The following HADHA variants were observed in gnomAD, a reference collection of about 807,000 sequenced individuals.
The protein encoded by HADHA is hydroxyacyl-CoA dehydrogenase trifunctional multienzyme complex subunit alpha, also known as trifunctional enzyme subunit alpha, mitochondrial.
In HADHA, 59 loss-of-function variants were observed where a neutral mutation model predicts 91.3. The ratio of observed to expected loss-of-function variants is 0.65; its 90% CI spans 0.52 to 0.80. The LOEUF (loss-of-function observed/expected upper bound fraction) is 0.80. HADHA is among the 30% of genes least tolerant of loss of function. HADHA has a pLI of 0.00. For synonymous variants in HADHA, 320 were observed against 338.9 expected, an observed-to-expected ratio of 0.94 and a Z score of 0.61; for missense variants, 800 against 927.6, an observed-to-expected ratio of 0.86 and a Z score of 1.79.
chr2:26,204,930 A>G (rs779149545), intron 11 of HADHA, among the ~76,000 whole-genome samples: 2 of 152,128 alleles, frequency 1.3e-5, no homozygotes, highest in Non-Finnish European at 2.9e-5. Flanking sequence ...CCTCGTCTGG[A>G]TGAATTCAAA....
chr2:26,242,007 T>C (rs982880431), intron 1 of HADHA, among the ~76,000 whole-genome samples: 1 of 151,942 alleles, frequency 6.6e-6, no homozygotes, highest in African/African-American at 2.4e-5. Context: ...GTTCAAGCGA[T>C]TCTCCCACCT....
At chr2:26,213,829 C>G (rs762992970) in intron 9 of HADHA, among the ~76,000 whole-genome samples, 11 of 152,210 alleles carry the variant, frequency 7.2e-5, no homozygotes, top group Non-Finnish European at 1.2e-4. Context: ...TTGGTGCCTT[C>G]TACTCAAGAT....
chr2:26,223,544 A>G (rs1043956411), intron 7 of HADHA, among the ~76,000 whole-genome samples: 5 of 152,208 alleles, frequency 3.3e-5, no homozygotes, highest in African/African-American at 7.2e-5. Context: ...AACCTGGTAC[A>G]CAGCCAGTGC....
At chr2:26,219,640 T>G (rs575051884) in intron 7 of HADHA, among the ~76,000 whole-genome samples, 1 of 152,182 alleles carries the variant, frequency 6.6e-6, no homozygotes, top group Admixed American at 6.5e-5. Context: ...GATCCCTAAA[T>G]GCAATGGGGA....
chr2:26,191,346 C>T lies in HADHA; in HGVS notation c.2196G>A (p.Arg732=). Residue 732 remains arginine, a synonymous_variant, in exon 20 of 20, where the codon CGG becomes CGA. Transcript: ENST00000380649. ...CATAGGCAGCTTCATATTTCTTGAG[C>T]CGGTCCACTATCTTCTGGGCGCCAT... ...DLYGAQKIVD[R]LKKYEAAYGK... is the part of the protein sequence containing the mutation. The T allele has an allele frequency of 1.2e-6, 2 of 1,614,150 alleles. No homozygotes were observed. The highest frequency in any genetic ancestry group is 1.7e-6 in the Non-Finnish European group (2 of 1,180,034).
Position 26,214,589 on chromosome 2 carries a change from T to C in HADHA, c.800-28A>G, listed in dbSNP as rs1178686109. 4.4e-6 allele frequency: 5 copies of C among 1,148,438 alleles called. 1 individual carries two copies. The highest frequency in any genetic ancestry group is 6.6e-6 in the Non-Finnish European group (5 of 755,086). 71.1% of individuals were successfully genotyped at this position (1,148,438 alleles called of 1,614,324 possible). On this transcript the variant is annotated intron_variant, in intron 8 of 19. Transcript: ENST00000380649. The surrounding 1 kb of genome is among the most constrained non-coding windows in gnomAD (Gnocchi z 4.1). Reference sequence around the variant, plus strand: ...GTAAAATAAAATGCTTTTAGATATTTACTATAAAGAGCCTAGATTCCCTTG... The same window carrying C: ...GTAAAATAAAATGCTTTTAGATATTCACTATAAAGAGCCTAGATTCCCTTG...
chr2:26,219,938 T>C (rs1023817989), intron 7 of HADHA, among the ~76,000 whole-genome samples: 1 of 152,142 alleles, frequency 6.6e-6, no homozygotes, highest in Non-Finnish European at 1.5e-5. Flanking sequence ...TTCCCAGAAA[T>C]GAGCTAGTTT....
intron 7 of HADHA, among the ~76,000 whole-genome samples, chr2:26,219,764 G>T (rs1670329756): frequency 6.6e-6 from 1 of 152,200 alleles, no homozygotes; most frequent in African/African-American, 2.4e-5. Context: ...AGTCTGACTT[G>T]CTGAGACCTA....
chr2:26,214,551 C>T lies in HADHA; in HGVS notation c.810G>A (p.Ala270=), dbSNP rs376632479. The T allele has an allele frequency of 7.1e-5, 111 of 1,559,410 alleles. No homozygotes were observed. Among genetic ancestry groups the T allele is most frequent in the South Asian group, 1.2e-4 (11 of 89,982 alleles). The change falls in exon 9 of 20, where the codon GCG becomes GCA. Residue 270 remains alanine (A), a synonymous_variant. Transcript: ENST00000380649. The surrounding 1 kb of genome is among the most constrained non-coding windows in gnomAD (Gnocchi z 4.1). The stretch of plus-strand genomic sequence containing the variant: ...TGACAAATGGAATAGTCATGGCATA[C>T]GCTGTCAATTCTGTAAAATAAAATG... ...RDKGLVEKLT[A]YAMTIPFVRQ...
chr2:26,244,627 G>T lies in HADHA; in HGVS notation c.-31C>A. ...GCTGAAGAGGACAGCAGTGGAGAGC[G>T]CCTCTAACGGGTGCGGCCGAGCGGA... On this transcript the variant is annotated 5_prime_UTR_variant, in exon 1 of 20. Coordinates refer to ENST00000380649, the MANE Select transcript of HADHA (RefSeq NM_000182.5). 2 of 1,560,508 alleles carry T rather than the reference G, an allele frequency of 1.3e-6. No homozygotes were observed. The highest frequency in any genetic ancestry group is 1.4e-5 in the African/African-American group (1 of 73,666).
chr2:26,207,010 C>G (rs1303248704), intron 11 of HADHA, among the ~76,000 whole-genome samples: 1 of 152,060 alleles, frequency 6.6e-6, no homozygotes, highest in African/African-American at 2.4e-5. Flanking sequence ...TCAGCCTGGG[C>G]AACTTAGCAA....
At chr2:26,207,057 G>T (rs1428436056) in intron 11 of HADHA, among the ~76,000 whole-genome samples, 1 of 152,152 alleles carries the variant, frequency 6.6e-6, no homozygotes, top group Non-Finnish European at 1.5e-5. Flanking sequence ...AATGAGCCGG[G>T]TGTGGTGGTA....
intron 6 of HADHA, among the ~76,000 whole-genome samples, chr2:26,231,317 G>T (rs1231729607): frequency 1.3e-5 from 2 of 152,098 alleles, no homozygotes; most frequent in African/African-American, 4.8e-5. Context: ...TTTCACTGAG[G>T]AATCTACAGT....
Position 26,204,071 on chromosome 2 carries a change from A to G in HADHA, c.1211T>C (p.Val404Ala), listed in dbSNP as rs1425561811. Residue 404 changes from valine (V) to alanine (A), a missense_variant, in exon 12 of 20, where the codon GTG becomes GCG. Val to Ala is a moderately conservative substitution (Grantham distance 64). Coordinates refer to ENST00000380649, the MANE Select transcript of HADHA (RefSeq NM_000182.5). ...GAGAGAGCAGGCTTACCCTTTGAAC[A>G]CTTGTTGCTGTCCTCGGTCTAGCGC... ...LTALDRGQQQ[V>A]FKGLNDKVKK... The G allele has an allele frequency of 7.4e-6, 12 of 1,613,904 alleles. No homozygotes were observed. The Admixed American group carries it at 1.7e-4, about 22-fold the overall frequency.
In HADHA at chr2:26,214,968, C is replaced by T; in HGVS notation, c.799+85G>A. ...TGCTTTGAGTAAATAATGCATTTAC[C>T]ACTTCCTCATTTTGAATCTACAGCA... On this transcript the variant is annotated intron_variant, in intron 8 of 19. Transcript: ENST00000380649. The surrounding 1 kb of genome is among the most constrained non-coding windows in gnomAD (Gnocchi z 4.1). 1 of 1,191,330 alleles carries T rather than the reference C, an allele frequency of 8.4e-7. No individual in the cohort carries two copies. The highest frequency in any genetic ancestry group is 1.3e-6 in the Non-Finnish European group (1 of 798,838). 73.8% of individuals were successfully genotyped at this position (1,191,330 alleles called of 1,614,324 possible).
chr2:26,200,233 T>C lies in HADHA; in HGVS notation c.1392+916A>G, dbSNP rs183749644. ...AGCTCACTGCTCATTATATCCAGCA[T>C]GTTGCCAAGTCAGAATCATTTCATG... is the stretch of plus-strand genomic sequence containing the variant. On this transcript the variant is annotated intron_variant, in intron 13 of 19. Coordinates refer to ENST00000380649, the MANE Select transcript of HADHA (RefSeq NM_000182.5). Among the ~76,000 whole-genome samples, 3 of 152,336 alleles carry C rather than the reference T, an allele frequency of 2.0e-5. No homozygotes were observed. The East Asian group carries it at 5.8e-4, about 29-fold the overall frequency.
Position 26,238,783 on chromosome 2 carries a change from G to C in HADHA, c.180+151C>G, listed in dbSNP as rs540315128. ...AGAAAACTGGCTCCCTTGGCAATCTGTCAAAGTTTAACATAACTGTCAAAA... is the reference window on the plus strand; with the variant it reads ...AGAAAACTGGCTCCCTTGGCAATCTCTCAAAGTTTAACATAACTGTCAAAA... On this transcript the variant is annotated intron_variant, in intron 3 of 19. Transcript: ENST00000380649. 79 of 684,132 alleles carry C rather than the reference G, an allele frequency of 1.2e-4. 1 individual carries two copies. The South Asian group carries it at 1.3e-3, about 11-fold the overall frequency. 42.4% of individuals were successfully genotyped at this position (684,132 alleles called of 1,614,324 possible).
intron 14 of HADHA, among the ~76,000 whole-genome samples, chr2:26,196,608 G>T (rs529422182): frequency 3.9e-5 from 6 of 152,252 alleles, no homozygotes; most frequent in Admixed American, 1.3e-4. Flanking sequence ...TTGCTCCCGG[G>T]CAAACCAAGA....
rs551395961 is a variant in HADHA at position 26,214,980 on chromosome 2, T to C, written c.799+73A>G. On this transcript the variant is annotated intron_variant, in intron 8 of 19. Transcript: ENST00000380649. This position sits in a 1 kb window ranked among gnomAD's most constrained non-coding sequence, Gnocchi z 4.1. ...ATAATGCATTTACCACTTCCTCATT[T>C]TGAATCTACAGCAAATAAAATTAAA... 114 of 1,344,224 alleles carry C rather than the reference T, an allele frequency of 8.5e-5. No individual in the cohort carries two copies. The African/African-American group carries it at 1.4e-3, about 17-fold the overall frequency. 83.3% of individuals were successfully genotyped at this position (1,344,224 alleles called of 1,614,324 possible).
Sources: allele counts gnomAD v4.1 joint callset (sites outside exome capture counted in the v4.1 genomes callset), GRCh38; gene constraint gnomAD v4.1.1; non-coding constraint Gnocchi (gnomAD v3.1); transcripts MANE v1.5; gene names NCBI Gene and HGNC (gene_info 2026-07-23, HGNC 2026-07-21).